The following PCDHGA1 variants were observed in gnomAD, a reference collection of about 807,000 sequenced individuals.
PCDHGA1 encodes the protein protocadherin gamma-A1.
In PCDHGA1, 32 loss-of-function variants were observed where a neutral mutation model predicts 58.0. That is an observed-to-expected ratio of 0.55 (90% CI 0.42 to 0.74). The LOEUF (loss-of-function observed/expected upper bound fraction) is 0.74. PCDHGA1 is among the 30% of genes least tolerant of loss of function. The pLI is 0.00. For missense variants in PCDHGA1, 1,205 were observed against 1,182.3 expected (o/e 1.02, Z -0.28); for synonymous variants, 498 against 501.1 (o/e 0.99, Z 0.08).
chr5:141,440,103 A>G (rs1391819927), intron 1 of PCDHGA1: 1 of 152,222 alleles, frequency 6.6e-6, no homozygotes, highest in Non-Finnish European at 1.5e-5. Flanking sequence ...GAAAGTGGAG[A>G]CTTACTTGTG....
At chr5:141,404,855 A>G (rs370062374) in intron 1 of PCDHGA1, 13 of 1,613,704 alleles carry the variant, frequency 8.1e-6, no homozygotes, top group African/African-American at 2.7e-5. Flanking sequence ...CCTGCTAGAT[A>G]GAGATGCGCT....
rs779390477 is a variant in PCDHGA1 at position 141,419,000 on chromosome 5, G to A, written c.2422-75807G>A. ...GGACCAAGACTCAGGGGAAAATGGG[G>A]AAGTCAGGTGTAGCTTAAGTAGAGG... On this transcript the variant is annotated intron_variant, in intron 1 of 3. Transcript: ENST00000517417. 3.1e-6 allele frequency: 5 copies of A among 1,613,962 alleles called. 1 individual carries two copies. In the South Asian group the frequency reaches 4.4e-5, roughly 14 times the overall value.
At chr5:141,360,700 C>A (rs532971055) in intron 1 of PCDHGA1, 1 of 1,613,796 alleles carries the variant, frequency 6.2e-7, no homozygotes, top group South Asian at 1.1e-5. Flanking sequence ...TCCAGATGGT[C>A]GTAAATATCC....
chr5:141,414,992 C>T, intron 1 of PCDHGA1: 2 of 1,613,770 alleles, frequency 1.2e-6, no homozygotes, highest in Non-Finnish European at 1.7e-6. Flanking sequence ...GGCCAGAACG[C>T]CTGGCTGTCC....
Position 141,393,095 on chromosome 5 carries a change from G to A in PCDHGA1, c.2421+59990G>A, listed in dbSNP as rs1057103671. On this transcript the variant is annotated intron_variant, in intron 1 of 3. Transcript: ENST00000517417. ...CCGCGGGCAGGATAGATCGGGAGGA[G>A]CTCTGCGCTCAGAGCCCGCGGTGTC... The A allele has an allele frequency of 3.1e-6, 5 of 1,613,520 alleles. No homozygotes were observed. The East Asian group carries it at 8.9e-5, about 29-fold the overall frequency.
chr5:141,465,454 T>A (rs1031876441), intron 1 of PCDHGA1, among the ~76,000 whole-genome samples: 1 of 152,184 alleles, frequency 6.6e-6, no homozygotes, highest in Non-Finnish European at 1.5e-5. Flanking sequence ...AAGAAAACTC[T>A]CACCAAATTG....
intron 1 of PCDHGA1, chr5:141,428,594 G>T (rs1317075888): frequency 4.4e-6 from 1 of 227,916 alleles, no homozygotes; most frequent in Admixed American, 5.2e-5. Context: ...CTGGTAGCAA[G>T]CTTCACTGAA....
intron 1 of PCDHGA1, chr5:141,402,987 G>GATTA: frequency 6.2e-7 from 1 of 1,611,924 alleles, no homozygotes; most frequent in Non-Finnish European, 8.5e-7. Flanking sequence ...CTCCGCGGAA[G>GATTA]ATTAGTCCTG....
Position 141,332,836 on chromosome 5 carries a change from C to T in PCDHGA1, c.2152C>T (p.Arg718Cys). Residue 718 changes from arginine to cysteine, a missense_variant, in exon 1 of 4, where the codon CGC becomes TGC. Coordinates refer to ENST00000517417, the MANE Select transcript of PCDHGA1 (RefSeq NM_018912.3). This position sits in a 1 kb window ranked among gnomAD's most constrained non-coding sequence, Gnocchi z 4.6. Reference protein sequence around the residue: ...VIVLLAHRLRRWHKSRLLQAS... With the variant: ...VIVLLAHRLRCWHKSRLLQAS... ...CGTGCTGCTGGCGCACAGGCTGCGG[C>T]GCTGGCACAAGTCACGTCTGCTACA... 1 of 1,614,224 alleles carries T rather than the reference C, an allele frequency of 6.2e-7. No homozygotes were observed. Among genetic ancestry groups the T allele is most frequent in the Non-Finnish European group, 8.5e-7 (1 of 1,180,042 alleles).
intron 1 of PCDHGA1, chr5:141,341,284 C>G (rs746244855): frequency 6.2e-7 from 1 of 1,614,236 alleles, no homozygotes; most frequent in South Asian, 1.1e-5. Flanking sequence ...TGATTTTCCC[C>G]CAGCCCAACT....
In PCDHGA1 at chr5:141,489,911, G is replaced by A; in HGVS notation, c.2422-4896G>A. On this transcript the variant is annotated intron_variant, in intron 1 of 3. Transcript: ENST00000517417. The surrounding 1 kb of genome is among the most constrained non-coding windows in gnomAD (Gnocchi z 4.5). ...GATGGGGGGACCCCAGCCCGCTCAG[G>A]GACCACCCTTATCTCTGTCATCGTG... 3.7e-6 allele frequency: 6 copies of A among 1,614,198 alleles called. No individual in the cohort carries two copies. Among genetic ancestry groups the A allele is most frequent in the Non-Finnish European group, 5.1e-6 (6 of 1,180,042 alleles).
intron 1 of PCDHGA1, chr5:141,367,617 A>T: frequency 6.6e-6 from 1 of 152,160 alleles, no homozygotes; most frequent in East Asian, 1.9e-4. Context: ...AACATGTAGC[A>T]TTCTAAAGTC....
chr5:141,506,994 G>A (rs1053891468), intron 3 of PCDHGA1: 1 of 152,126 alleles, frequency 6.6e-6, no homozygotes, highest in Non-Finnish European at 1.5e-5. Context: ...TCTCACACTC[G>A]ACAGATGAGA....
intron 1 of PCDHGA1, chr5:141,351,561 T>G (rs767147157): frequency 6.2e-7 from 1 of 1,614,004 alleles, no homozygotes; most frequent in Non-Finnish European, 8.5e-7. Flanking sequence ...AGGACAAGCA[T>G]CACCCTGCAC....
At chr5:141,480,781 G>A (rs2099525581) in intron 1 of PCDHGA1, among the ~76,000 whole-genome samples, 1 of 152,174 alleles carries the variant, frequency 6.6e-6, no homozygotes, top group Admixed American at 6.5e-5. Flanking sequence ...CTAATGTGCA[G>A]ACAAATTTGA....
At chr5:141,414,557 A>G (rs749209012) in intron 1 of PCDHGA1, 21 of 1,613,786 alleles carry the variant, frequency 1.3e-5, no homozygotes, top group Non-Finnish European at 1.8e-5. Context: ...CAAGTCTCCT[A>G]CTTTACCTAT....
At chr5:141,375,313 A>C in intron 1 of PCDHGA1, 1 of 1,613,824 alleles carries the variant, frequency 6.2e-7, no homozygotes, top group Non-Finnish European at 8.5e-7. Context: ...ATGCAGCTCT[A>C]GACCGGGAAG....
Position 141,487,418 on chromosome 5 carries a change from A to T in PCDHGA1, c.2422-7389A>T. ...GGAGGGGCTTCCCCCTTCCAATGGG[A>T]TCCTCCGAATCCAGCTAGGGTCAGA... On this transcript the variant is annotated intron_variant, in intron 1 of 3. Transcript: ENST00000517417. The surrounding 1 kb of genome is among the most constrained non-coding windows in gnomAD (Gnocchi z 5.0). The T allele has an allele frequency of 6.2e-7, 1 of 1,614,060 alleles. No homozygotes were observed. The highest frequency in any genetic ancestry group is 8.5e-7 in the Non-Finnish European group (1 of 1,179,998).
chr5:141,393,771 C>G (rs1207407733), intron 1 of PCDHGA1: 4 of 1,613,874 alleles, frequency 2.5e-6, no homozygotes, highest in Non-Finnish European at 3.4e-6. Context: ...AATGGAAATA[C>G]AAGCCGAAGA....
Sources: allele counts gnomAD v4.1 joint callset (sites outside exome capture counted in the v4.1 genomes callset), GRCh38; gene constraint gnomAD v4.1.1; non-coding constraint Gnocchi (gnomAD v3.1); transcripts MANE v1.5; gene names NCBI Gene and HGNC (gene_info 2026-07-23, HGNC 2026-07-21).